Variants in KIAA1549 observed in about 807,000 individuals in gnomAD.
KIAA1549 encodes UPF0606 protein KIAA1549.
KIAA1549 carries 70 observed loss-of-function variants against 156.4 expected under a neutral mutation model. That is an observed-to-expected ratio of 0.45 (90% CI 0.37 to 0.55). The LOEUF (loss-of-function observed/expected upper bound fraction) is 0.55. Among genes scored for constraint, KIAA1549 ranks in the 20% least tolerant of loss-of-function variants. The probability of loss-of-function intolerance (pLI) is 0.00; values close to 1 mark genes in which losing one functional copy is unlikely to be tolerated. For missense variants in KIAA1549, 2,428 were observed against 2,540.9 expected, an observed-to-expected ratio of 0.96 and a Z score of 0.96; for synonymous variants, 1,103 against 1,066.4, an observed-to-expected ratio of 1.03 and a Z score of -0.67.
intron 11 of KIAA1549, 41 bp downstream of exon 11, chr7:138,881,347 T>C: frequency 6.4e-7 from 1 of 1,571,460 alleles, no homozygotes; most frequent in Non-Finnish European, 8.7e-7. Context: ...AACAGAAGCA[T>C]GCTCTGCAAC....
chr7:138,957,802 T>C (rs1226661506), intron 1 of KIAA1549, among the ~76,000 whole-genome samples: 1 of 152,112 alleles, frequency 6.6e-6, no homozygotes, highest in Non-Finnish European at 1.5e-5. Flanking sequence ...CATGTACCTA[T>C]GGACCCAACT....
chr7:138,937,792 T>C (rs1388998943), intron 1 of KIAA1549, among the ~76,000 whole-genome samples: 3 of 152,142 alleles, frequency 2.0e-5, no homozygotes, highest in Non-Finnish European at 4.4e-5. Context: ...GATGGAAATG[T>C]GACTCTAGGG....
intron 1 of KIAA1549, among the ~76,000 whole-genome samples, chr7:138,940,937 T>G (rs1180683878): frequency 6.6e-6 from 1 of 152,192 alleles, no homozygotes; most frequent in Non-Finnish European, 1.5e-5. Context: ...ATGAGTAGAC[T>G]GCAAAAATTT....
rs371411217 is a variant in KIAA1549 at position 138,930,852 on chromosome 7, A to C, written c.188-11414T>G. ...TTTTCCTTTGCATTCACAACTTGGC[A>C]ATCTATTTGTTGCAAGAGGTCAGCT... On this transcript the variant is annotated intron_variant, in intron 1 of 19. Coordinates refer to ENST00000422774, the MANE Select transcript of KIAA1549 (RefSeq NM_001164665.2). Among the ~76,000 whole-genome samples the C allele has an allele frequency of 3.2e-4, 49 of 152,288 alleles. No homozygotes were observed. The South Asian group carries it at 9.1e-3, about 28-fold the overall frequency.
Position 138,852,240 on chromosome 7 carries a change from C to CG in KIAA1549, c.5276dup (p.Thr1760AspfsTer23). On this transcript the variant is annotated frameshift_variant, in exon 17 of 20. Transcript: ENST00000422774. LOFTEE classifies it high-confidence loss of function. The stretch of plus-strand genomic sequence containing the variant: ...AACCTTACCTTGGCAATGGACCCGT[C>CG]GGGGGAGTCATTCCATAGTCTTCGT... 1.2e-6 allele frequency: 2 copies of CG among 1,610,322 alleles called. No homozygotes were observed. The highest frequency in any genetic ancestry group is 1.7e-6 in the Non-Finnish European group (2 of 1,177,440).
intron 9 of KIAA1549, 117 bp downstream of exon 9, chr7:138,898,838 C>T (rs1279540745): frequency 4.7e-6 from 4 of 852,190 alleles, no homozygotes; most frequent in Non-Finnish European, 7.6e-6. Flanking sequence ...ACTGGCACTT[C>T]ACCATCAGGG....
intron 1 of KIAA1549, among the ~76,000 whole-genome samples, chr7:138,945,547 G>A (rs1184078802): frequency 6.6e-6 from 1 of 152,166 alleles, no homozygotes; most frequent in Non-Finnish European, 1.5e-5. Flanking sequence ...GTCCACACAG[G>A]TGATTATTCG....
At chr7:138,923,277 C>G (rs144848942) in intron 1 of KIAA1549, among the ~76,000 whole-genome samples, 3 of 152,210 alleles carry the variant, frequency 2.0e-5, no homozygotes, top group Non-Finnish European at 4.4e-5. Context: ...GTTATTGCCT[C>G]AGCAGGAAGA....
chr7:138,950,481 G>A (rs1813462968), intron 1 of KIAA1549, among the ~76,000 whole-genome samples: 1 of 152,174 alleles, frequency 6.6e-6, no homozygotes, highest in Non-Finnish European at 1.5e-5. Context: ...AATTCCTGAA[G>A]AGCTGTGTGA....
intron 15 of KIAA1549, 77 bp downstream of exon 15, chr7:138,867,898 C>G: frequency 2.0e-6 from 3 of 1,493,912 alleles, no homozygotes; most frequent in Non-Finnish European, 2.8e-6. Context: ...AGTGCTGCTG[C>G]TTCTCCTCCC....
chr7:138,920,225 AGCTCTCTATATGGATG>A (rs1446663825), intron 1 of KIAA1549, among the ~76,000 whole-genome samples: 1 of 152,116 alleles, frequency 6.6e-6, no homozygotes. Context: ...GCCCTTCCCC[AGCTCTCTATATGGATG>A]GCTCCTTCTG....
chr7:138,905,958 C>G (rs1222055243), intron 6 of KIAA1549, among the ~76,000 whole-genome samples: 1 of 152,208 alleles, frequency 6.6e-6, no homozygotes, highest in East Asian at 1.9e-4. Context: ...CTGCCTTCTG[C>G]TACCCTTTTG....
At chr7:138,965,720 A>C (rs938234695) in intron 1 of KIAA1549, among the ~76,000 whole-genome samples, 1 of 152,222 alleles carries the variant, frequency 6.6e-6, no homozygotes, top group African/African-American at 2.4e-5. Flanking sequence ...GTACATGTGA[A>C]AACAGTCTGA....
intron 10 of KIAA1549, among the ~76,000 whole-genome samples, chr7:138,886,989 C>T (rs900521157): frequency 6.6e-6 from 1 of 151,870 alleles, no homozygotes; most frequent in Non-Finnish European, 1.5e-5. Context: ...GCAACCTCCA[C>T]CTCCTGGGTT....
At chr7:138,921,518 G>A (rs562640281) in intron 1 of KIAA1549, among the ~76,000 whole-genome samples, 2 of 151,834 alleles carry the variant, frequency 1.3e-5, no homozygotes, top group East Asian at 1.9e-4. Flanking sequence ...GCTGAGATGC[G>A]GTCATACTGA....
At chr7:138,856,836 G>T (rs954472803) in intron 16 of KIAA1549, among the ~76,000 whole-genome samples, 3 of 152,334 alleles carry the variant, frequency 2.0e-5, no homozygotes, top group Non-Finnish European at 4.4e-5. Flanking sequence ...ATTTCTGGGT[G>T]TGTCTGTGAG....
intron 10 of KIAA1549, among the ~76,000 whole-genome samples, chr7:138,887,625 C>T (rs747197785): frequency 8.5e-5 from 13 of 152,182 alleles, no homozygotes; most frequent in Non-Finnish European, 1.8e-4. Flanking sequence ...AAGAGAGGCC[C>T]GCCTGTCATC....
chr7:138,836,491 A>AATGTCTTCG lies in KIAA1549; in HGVS notation c.*1414_*1415insCGAAGACAT, dbSNP rs1584976427. The AATGTCTTCG allele has an allele frequency of 6.5e-5, 14 of 214,824 alleles. No individual in the cohort carries two copies. The East Asian group carries it at 9.7e-4, about 15-fold the overall frequency. 13.3% of individuals were successfully genotyped at this position (214,824 alleles called of 1,614,324 possible). A position where few individuals can be genotyped will look rare whatever the true frequency, so the allele number is the denominator to read the frequency against. On this transcript the variant is annotated 3_prime_UTR_variant, in exon 20 of 20. Transcript: ENST00000422774. ...CATCCCCATCATTAAGCGATGCATGACTGTCTTCGCTGATCTAATAAAAAC... is the reference window on the plus strand; with the variant it reads ...CATCCCCATCATTAAGCGATGCATGAATGTCTTCGCTGTCTTCGCTGATCTAATAAAAAC...
Position 138,834,660 on chromosome 7 carries a change from C to T in KIAA1549, c.*3246G>A, listed in dbSNP as rs1809650527. ...ATTGGTGAAGGAAGTGAAATTAAAGCAAAATGGGAGTGAGGAAACTGAGTC... is the reference window on the plus strand; with the variant it reads ...ATTGGTGAAGGAAGTGAAATTAAAGTAAAATGGGAGTGAGGAAACTGAGTC... On this transcript the variant is annotated 3_prime_UTR_variant, in exon 20 of 20. Coordinates refer to ENST00000422774, the MANE Select transcript of KIAA1549 (RefSeq NM_001164665.2). 4.3e-6 allele frequency: 1 copy of T among 232,232 alleles called. No homozygotes were observed. Among genetic ancestry groups the T allele is most frequent in the South Asian group, 1.8e-4 (1 of 5,524 alleles). 14.4% of individuals were successfully genotyped at this position (232,232 alleles called of 1,614,324 possible).
Sources: gnomAD v4.1 joint callset for allele counts (sites outside exome capture counted in the v4.1 genomes callset) on GRCh38, gnomAD v4.1.1 for gene constraint, MANE v1.5 for transcripts, NCBI Gene and HGNC (gene_info 2026-07-23, HGNC 2026-07-21) for gene names.